Variants in WDR76 observed in about 807,000 individuals in gnomAD.
WDR76 encodes WD repeat domain 76.
WDR76 carries 52 observed loss-of-function variants against 70.2 expected under a neutral mutation model. The observed-to-expected ratio is 0.74, with a 90% CI of 0.59 to 0.93. The LOEUF (loss-of-function observed/expected upper bound fraction) is 0.93. WDR76 is among the 40% of genes least tolerant of loss of function. The pLI, the probability that WDR76 is intolerant of heterozygous loss-of-function variation, is 0.00. For synonymous variants in WDR76, 292 were observed against 271.1 expected (o/e 1.08, Z -0.76); for missense variants, 756 against 760.2 (o/e 0.99, Z 0.07).
chr15:43,836,768 A>G (rs1273419558), intron 4 of WDR76, among the ~76,000 whole-genome samples: 1 of 152,022 alleles, frequency 6.6e-6, no homozygotes, highest in Non-Finnish European at 1.5e-5. Context: ...GCAGTGGCTC[A>G]TGCCTATAAT....
intron 7 of WDR76, among the ~76,000 whole-genome samples, chr15:43,843,168 C>T (rs376878436): frequency 2.0e-5 from 3 of 152,026 alleles, no homozygotes; most frequent in East Asian, 1.9e-4. Flanking sequence ...GGACTACAGG[C>T]GTGCACCATC....
intron 9 of WDR76, among the ~76,000 whole-genome samples, chr15:43,855,808 C>A (rs896898198): frequency 6.6e-5 from 10 of 150,586 alleles, no homozygotes; most frequent in African/African-American, 2.2e-4. Context: ...GAGATCGTGC[C>A]ACTGTACTCC....
At chr15:43,843,867 T>G in intron 7 of WDR76, 34 bp from the exon 8 acceptor site, 1 of 1,522,410 alleles carries the variant, frequency 6.6e-7, no homozygotes, top group Non-Finnish European at 8.8e-7. Flanking sequence ...GAGATTGGTT[T>G]TACTTACAAA....
chr15:43,854,840 C>T (rs2140310051), intron 9 of WDR76, among the ~76,000 whole-genome samples: 1 of 152,048 alleles, frequency 6.6e-6, no homozygotes, highest in South Asian at 2.1e-4. Flanking sequence ...GTCCCAGCTA[C>T]TCAGAAGGCT....
rs1026600372 is a variant in WDR76 at position 43,857,133 on chromosome 15, A to G, written c.1379A>G (p.His460Arg). Residue 460 changes from histidine to arginine, a missense_variant, in exon 10 of 13, where the codon CAT becomes CGT. Coordinates refer to ENST00000263795, the MANE Select transcript of WDR76 (RefSeq NM_024908.4). ...AGAACTGTTCATGTCCACCCAGTGC[A>G]TAGACAGTATTTTATCACTGCCGGA... ...KIRTVHVHPVHRQYFITAGLR... is the reference protein window; with the variant it reads ...KIRTVHVHPVRRQYFITAGLR... 1 of 1,613,964 alleles carries G rather than the reference A, an allele frequency of 6.2e-7. No individual in the cohort carries two copies.
chr15:43,827,208 C>T, intron 1 of WDR76, 116 bp downstream of exon 1: 10 of 1,340,020 alleles, frequency 7.5e-6, no homozygotes, highest in Non-Finnish European at 1.1e-5. Context: ...GGCGGGGGAT[C>T]CCTGCCCTTA....
In WDR76 at chr15:43,866,322, C is replaced by T. The variant is rs768248898; in HGVS notation, c.1811C>T (p.Thr604Ile). ...TGTTCCATCAATGCCATGCACCCAA[C>T]TCGGTATATTTTGGCTGGAGGTAAT... ...SVCSINAMHP[T>I]RYILAGGNSS... is the part of the protein sequence containing the mutation. Residue 604 changes from threonine to isoleucine, a missense_variant, in exon 13 of 13, where the codon ACT becomes ATT. By Grantham distance (89) the Thr-to-Ile change is moderately conservative (BLOSUM62 -1). Transcript: ENST00000263795. The T allele has an allele frequency of 6.2e-7, 1 of 1,614,132 alleles. No individual in the cohort carries two copies. The highest frequency in any genetic ancestry group is 8.5e-7 in the Non-Finnish European group (1 of 1,180,026).
chr15:43,851,754 C>T lies in WDR76; in HGVS notation c.1191+509C>T, dbSNP rs192357309. On this transcript the variant is annotated intron_variant, in intron 9 of 12. Coordinates refer to ENST00000263795, the MANE Select transcript of WDR76 (RefSeq NM_024908.4). ...TTCCAGACCAGCCTGGGCAACATGG[C>T]GAGACCTTGTCTCTACAGAAAATAA... Among the ~76,000 whole-genome samples, 4 of 152,048 alleles carry T rather than the reference C, an allele frequency of 2.6e-5. No homozygotes were observed. In the East Asian group the frequency reaches 5.8e-4, roughly 22 times the overall value.
chr15:43,844,055 G>C lies in WDR76; in HGVS notation c.1032+1G>C, dbSNP rs1184302587. ...TGGGCAAGTTGGACTTTGTGATTTG[G>C]TAAGTTATTAAATTTCTTGAATATA... On this transcript the variant is annotated splice_donor_variant, in intron 8 of 12. Transcript: ENST00000263795. LOFTEE classifies it high-confidence loss of function. 3.1e-6 allele frequency: 5 copies of C among 1,611,916 alleles called. No homozygotes were observed. Among genetic ancestry groups the C allele is most frequent in the Non-Finnish European group, 4.2e-6 (5 of 1,179,268 alleles).
In WDR76 at chr15:43,842,663, C is replaced by T. The variant is rs1486294499; in HGVS notation, c.870C>T (p.Ser290=). ...AGAACACTGAGAAGGGATTATCTAG[C>T]ATTAAAAGGTAAGTTGAAATTCCTT... ...SSKNTEKGLS[S]IKSYKANLNG... The change falls in exon 7 of 13, where the codon AGC becomes AGT. Residue 290 remains serine, a synonymous_variant. Coordinates refer to ENST00000263795, the MANE Select transcript of WDR76 (RefSeq NM_024908.4). 1 of 1,608,658 alleles carries T rather than the reference C, an allele frequency of 6.2e-7. No individual in the cohort carries two copies. The highest frequency in any genetic ancestry group is 8.5e-7 in the Non-Finnish European group (1 of 1,178,414).
chr15:43,831,979 C>T (rs950626185), intron 2 of WDR76, among the ~76,000 whole-genome samples: 2 of 151,796 alleles, frequency 1.3e-5, no homozygotes, highest in African/African-American at 4.8e-5. Flanking sequence ...AAACTCCTGA[C>T]CTCGTGATCT....
chr15:43,841,207 T>C (rs976457106), intron 5 of WDR76, among the ~76,000 whole-genome samples: 1 of 147,060 alleles, frequency 6.8e-6, no homozygotes, highest in African/African-American at 2.5e-5. Context: ...TTTTGTTTTT[T>C]TTTTTTTTTT....
intron 9 of WDR76, among the ~76,000 whole-genome samples, chr15:43,852,622 AGCC>A (rs2087875643): frequency 6.6e-6 from 1 of 151,870 alleles, no homozygotes. Context: ...CACCTGCCTC[AGCC>A]TCCCAAAGTG....
At chr15:43,840,534 AT>A (rs1173943918) in intron 5 of WDR76, among the ~76,000 whole-genome samples, 3 of 152,190 alleles carry the variant, frequency 2.0e-5, no homozygotes, top group African/African-American at 7.2e-5. Flanking sequence ...AAGAACACCT[AT>A]TTTTAATACT....
intron 4 of WDR76, among the ~76,000 whole-genome samples, chr15:43,836,694 G>A (rs1241733533): frequency 2.0e-5 from 3 of 151,986 alleles, no homozygotes; most frequent in Admixed American, 2.0e-4. Context: ...ACTGCATGTG[G>A]TAGGTAATAT....
At chr15:43,853,916 C>CA (rs1181186211) in intron 9 of WDR76, among the ~76,000 whole-genome samples, 89 of 136,884 alleles carry the variant, frequency 6.5e-4, no homozygotes, top group East Asian at 2.0e-3. Flanking sequence ...AAAAAAAAAA[C>CA]AAAAAAAAAC....
At chr15:43,836,328 A>G (rs1243738787) in intron 4 of WDR76, 112 bp downstream of exon 4, 1 of 846,352 alleles carries the variant, frequency 1.2e-6, no homozygotes, top group Non-Finnish European at 1.7e-6. Flanking sequence ...GTGCTATTTA[A>G]TCTCAGTCCC....
At chr15:43,827,646 G>C (rs1156509219) in intron 1 of WDR76, among the ~76,000 whole-genome samples, 1 of 152,188 alleles carries the variant, frequency 6.6e-6, no homozygotes, top group East Asian at 1.9e-4. Context: ...CCGGGTTCAA[G>C]TGATTCTTCT....
chr15:43,840,406 A>G (rs894788016), intron 5 of WDR76, among the ~76,000 whole-genome samples: 3 of 152,178 alleles, frequency 2.0e-5, no homozygotes, highest in Non-Finnish European at 4.4e-5. Flanking sequence ...AGTTTCTCAC[A>G]TATTAGGGGC....
Sources: gnomAD v4.1 joint callset for allele counts (sites outside exome capture counted in the v4.1 genomes callset) on GRCh38, gnomAD v4.1.1 for gene constraint, MANE v1.5 for transcripts, NCBI Gene and HGNC (gene_info 2026-07-23, HGNC 2026-07-21) for gene names.